RPAP1: variants seen among roughly 807,000 people sequenced by gnomAD.
RPAP1 encodes RNA polymerase II-associated protein 1.
In RPAP1, 109 loss-of-function variants were observed where a neutral mutation model predicts 142.4. That is an observed-to-expected ratio of 0.77 (90% CI 0.66 to 0.90). The LOEUF is 0.90. RPAP1 is among the 40% of genes least tolerant of loss of function. RPAP1 has a pLI of 0.00. For missense variants in RPAP1, 1,546 were observed against 1,751.7 expected, an observed-to-expected ratio of 0.88 and a Z score of 2.10; for synonymous variants, 704 against 738.9, an observed-to-expected ratio of 0.95 and a Z score of 0.77.
In RPAP1 at chr15:41,517,627, A is replaced by T. The variant is rs138236822; in HGVS notation, c.4097T>A (p.Leu1366His). The T allele has an allele frequency of 1.2e-6, 2 of 1,612,212 alleles. No individual in the cohort carries two copies. The highest frequency in any genetic ancestry group is 2.7e-5 in the African/African-American group (2 of 74,856). Residue 1366 changes from leucine to histidine, a missense_variant, in exon 25 of 25, where the codon CTC becomes CAC. Leu to His is a moderately conservative substitution (Grantham distance 99). Around this residue, in one of 3 missense-constraint regions of RPAP1, gnomAD observed 210 missense variants for 248.0 expected, o/e 0.85. Transcript: ENST00000304330. ...ACGCAGAGGGGGCAACTGAGAATAG[A>T]GCTCAAAGCCCTCTGGGAGCGTGGA... ...PNSTLPEGFELYSQLPPLRQH... is the reference protein window; with the variant it reads ...PNSTLPEGFEHYSQLPPLRQH...
rs896746459 is a variant in RPAP1 at position 41,524,872 on chromosome 15, CCACT to C, written c.2075+115_2075+118del. The C allele has an allele frequency of 3.9e-5, 40 of 1,027,238 alleles. No individual in the cohort carries two copies. The African/African-American group carries it at 5.7e-4, about 15-fold the overall frequency. The allele number at this position is 1,027,238 out of a possible 1,614,324, so 63.6% of individuals were successfully genotyped here. ...CTTTTCACATCTGGCAGAAGCCCTC[CCACT>C]CATTCTTATCCTTCCTCCAAGCTTG... On this transcript the variant is annotated intron_variant, in intron 15 of 24. Coordinates refer to ENST00000304330, the MANE Select transcript of RPAP1 (RefSeq NM_015540.4).
At chr15:41,538,558 C>G (rs529675142) in intron 1 of RPAP1, among the ~76,000 whole-genome samples, 4 of 152,184 alleles carry the variant, frequency 2.6e-5, no homozygotes, top group Admixed American at 1.3e-4. Flanking sequence ...GGTCAGCAAT[C>G]AAATGTTTTG....
At chr15:41,521,695 G>T in intron 21 of RPAP1, 43 bp downstream of exon 21, 2 of 1,606,338 alleles carry the variant, frequency 1.2e-6, no homozygotes, top group Non-Finnish European at 1.7e-6. Flanking sequence ...AACTGCAGCA[G>T]CGTCCAAAAG....
In RPAP1 at chr15:41,522,195, G is replaced by C; in HGVS notation, c.2798C>G (p.Ala933Gly). Residue 933 changes from alanine (A) to glycine (G), a missense_variant, in exon 20 of 25, where the codon GCT becomes GGT. This residue lies in a region of RPAP1 where 1,333 missense variants were observed against 1,486.6 expected (regional missense o/e 0.90). Coordinates refer to ENST00000304330, the MANE Select transcript of RPAP1 (RefSeq NM_015540.4). ...TGTGAGGTGTGGGGCAGCCCCAGGA[G>C]CCACACACTGGAGGAAGTAATTCTG... ...GLQNYFLQCV[A>G]PGAAPHLTPF... The C allele has an allele frequency of 6.2e-7, 1 of 1,614,096 alleles. No homozygotes were observed. The highest frequency in any genetic ancestry group is 8.5e-7 in the Non-Finnish European group (1 of 1,180,028).
intron 6 of RPAP1, among the ~76,000 whole-genome samples, chr15:41,531,627 ATTTTTTTTTTTTTTTTTTTTT>A (rs150550154): frequency 3.2e-4 from 7 of 22,030 alleles, no homozygotes; most frequent in African/African-American, 1.5e-3. Flanking sequence ...ATATATATAT[ATTTTTTTTTTTTTTTTTTTTT>A]TTTTTTTTTT....
In RPAP1 at chr15:41,528,283, G is replaced by A. The variant is rs1372568743; in HGVS notation, c.1212C>T (p.Ser404=). Residue 404 remains serine, a synonymous_variant, in exon 10 of 25, where the codon TCC becomes TCT. Coordinates refer to ENST00000304330, the MANE Select transcript of RPAP1 (RefSeq NM_015540.4). ...ELFHLTRSQV[S]QQRALALHVL... ...CATGCAGTGCCAGTGCTCTCTGCTG[G>A]GAAACCTGGCTGCGGGTCAGGTGGA... 9.9e-6 allele frequency: 16 copies of A among 1,608,482 alleles called. No homozygotes were observed. Among genetic ancestry groups the A allele is most frequent in the Non-Finnish European group, 9.3e-6 (11 of 1,177,484 alleles).
At chr15:41,520,133 T>TA in intron 22 of RPAP1, 2 of 460,728 alleles carry the variant, frequency 4.3e-6, no homozygotes, top group Non-Finnish European at 7.9e-6. Flanking sequence ...GGGGTTTCAC[T>TA]ATGTTGCCCA....
chr15:41,517,436 G>T lies in RPAP1; in HGVS notation c.*106C>A. The T allele has an allele frequency of 3.7e-6, 4 of 1,092,412 alleles. No individual in the cohort carries two copies. Among genetic ancestry groups the T allele is most frequent in the Non-Finnish European group, 3.9e-6 (3 of 766,900 alleles). 67.7% of individuals were successfully genotyped at this position (1,092,412 alleles called of 1,614,324 possible). ...CAGGAAGGCAAGCCTTCTGCTCCTT[G>T]GTCTCCTGCCTACCATTAGGACACA... On this transcript the variant is annotated 3_prime_UTR_variant, in exon 25 of 25. Coordinates refer to ENST00000304330, the MANE Select transcript of RPAP1 (RefSeq NM_015540.4).
At chr15:41,526,703 G>A (rs2051793732) in intron 14 of RPAP1, among the ~76,000 whole-genome samples, 195 bp downstream of exon 14, 1 of 152,202 alleles carries the variant, frequency 6.6e-6, no homozygotes, top group African/African-American at 2.4e-5. Context: ...ATACCTATAT[G>A]ATGCACCAGG....
chr15:41,541,859 T>G (rs897671546), intron 1 of RPAP1, among the ~76,000 whole-genome samples: 1 of 151,780 alleles, frequency 6.6e-6, no homozygotes, highest in Non-Finnish European at 1.5e-5. Flanking sequence ...AAAAAAAAAG[T>G]GCTGAATGAC....
chr15:41,527,735 G>C, intron 11 of RPAP1, 125 bp downstream of exon 11: 1 of 1,460,936 alleles, frequency 6.8e-7, no homozygotes, highest in Non-Finnish European at 9.2e-7. Context: ...TAGGAGATGA[G>C]GGAGACGCCT....
At chr15:41,536,467 A>C (rs1329056646) in intron 3 of RPAP1, 34 bp downstream of exon 3, 9 of 1,610,704 alleles carry the variant, frequency 5.6e-6, no homozygotes, top group Non-Finnish European at 5.9e-6. Context: ...TTGCCCTAGA[A>C]CATCTTATCC....
At position 41,534,838 on chromosome 15, in the gene RPAP1, C is replaced by A; in HGVS notation, c.639G>T (p.Lys213Asn). 1 of 1,614,194 alleles carries A rather than the reference C, an allele frequency of 6.2e-7. No homozygotes were observed. The highest frequency in any genetic ancestry group is 8.5e-7 in the Non-Finnish European group (1 of 1,180,024). The change falls in exon 6 of 25, where the codon AAG (lysine) becomes AAT (asparagine). Residue 213 changes from lysine to asparagine, a missense_variant. This residue lies in a region of RPAP1 where 1,333 missense variants were observed against 1,486.6 expected (regional missense o/e 0.90). Transcript: ENST00000304330. ...GCTCAGCTTCTTGATCCCTGAGCCC[C>A]TTCCCTGTGACCAGATTGGGTCCCT... is the stretch of plus-strand genomic sequence containing the variant. ...SFQGPNLVTGKGLRDQEAEQE... is the reference protein window; with the variant it reads ...SFQGPNLVTGNGLRDQEAEQE...
chr15:41,529,259 C>CAGG (rs1256340625), intron 9 of RPAP1, among the ~76,000 whole-genome samples: 1 of 152,138 alleles, frequency 6.6e-6, no homozygotes, highest in Non-Finnish European at 1.5e-5. Flanking sequence ...GGCTTGAACC[C>CAGG]AGGAGGTGGA....
At position 41,527,268 on chromosome 15, in the gene RPAP1, G is replaced by A. The variant is rs35981448; in HGVS notation, c.1645C>T (p.Arg549Cys). Reference protein sequence around the residue: ...LLATSLLPRLRYVLEVTYPGP... With the variant: ...LLATSLLPRLCYVLEVTYPGP... ...GGGTATGTCACCTCCAGCACGTAGC[G>A]CAGCCGAGGCAGCAGGCTGGTAGCC... The change falls in exon 13 of 25, where the codon CGC becomes TGC. Residue 549 changes from arginine (R) to cysteine (C), a missense_variant. Arg to Cys is a radical substitution (Grantham distance 180). Around this residue, in one of 3 missense-constraint regions of RPAP1, gnomAD observed 1,333 missense variants for 1,486.6 expected, o/e 0.90. Coordinates refer to ENST00000304330, the MANE Select transcript of RPAP1 (RefSeq NM_015540.4). 10,964 of 1,614,182 alleles carry A rather than the reference G, an allele frequency of 6.8e-3. 54 individuals carry two copies. The highest frequency in any genetic ancestry group is 7.7e-3 in the Non-Finnish European group (9,063 of 1,180,036).
At chr15:41,528,165 G>A (rs2051814610) in intron 10 of RPAP1, 70 bp downstream of exon 10, 2 of 1,512,552 alleles carry the variant, frequency 1.3e-6, no homozygotes, top group African/African-American at 2.7e-5. Flanking sequence ...GAAAAGGGCA[G>A]GAGATGGGGA....
chr15:41,520,947 TC>T lies in RPAP1; in HGVS notation c.3238del (p.Glu1080SerfsTer27). On this transcript the variant is annotated frameshift_variant, in exon 22 of 25. Coordinates refer to ENST00000304330, the MANE Select transcript of RPAP1 (RefSeq NM_015540.4). LOFTEE classifies it high-confidence loss of function. ...LLASQALHRG[E>X]LQRVPTLLLP... ...TAGCAGGGTTGGGACTCGCTGTAGC[TC>T]CCCTCGGTGCAGAGCCTGGGAGGCC... The T allele has an allele frequency of 6.2e-7, 1 of 1,611,546 alleles. No homozygotes were observed. Among genetic ancestry groups the T allele is most frequent in the Non-Finnish European group, 8.5e-7 (1 of 1,178,884 alleles).
chr15:41,522,437 C>T, intron 19 of RPAP1, 187 bp from the exon 20 acceptor site: 1 of 629,796 alleles, frequency 1.6e-6, no homozygotes, highest in Non-Finnish European at 2.8e-6. Context: ...GTTGCCCAGG[C>T]TGCAGTGCAA....
rs149635515 is a variant in RPAP1, at chr15:41,520,904, C to T, written c.3282G>A (p.Glu1094=). 108 of 1,613,332 alleles carry T rather than the reference C, an allele frequency of 6.7e-5. No individual in the cohort carries two copies. Among genetic ancestry groups the T allele is most frequent in the Middle Eastern group, 1.6e-4 (1 of 6,084 alleles). The change falls in exon 22 of 25, where the codon GAG becomes GAA. Residue 1094 remains glutamate (E), a synonymous_variant. Coordinates refer to ENST00000304330, the MANE Select transcript of RPAP1 (RefSeq NM_015540.4). ...AGGGCCAGTCGGTGGGCAGCAGCGG[C>T]TCCGTAGGCATGGGCAGTAGCAGGG... ...VPTLLLPMPT[E]PLLPTDWPFL... is the part of the protein sequence containing the mutation.
Sources: gnomAD v4.1 joint callset for allele counts (sites outside exome capture counted in the v4.1 genomes callset) on GRCh38, gnomAD v4.1.1 for gene constraint, gnomAD v4.1.1 regional missense constraint, MANE v1.5 for transcripts, NCBI Gene and HGNC (gene_info 2026-07-23, HGNC 2026-07-21) for gene names.